RAI1: variants seen among roughly 807,000 people sequenced by gnomAD.
The protein encoded by RAI1 is retinoic acid-induced protein 1.
A neutral mutation model predicts 123.8 loss-of-function variants in RAI1; 9 were observed. The observed-to-expected ratio is 0.07, with a 90% CI of 0.04 to 0.13. RAI1 has a LOEUF of 0.13. Ranked by LOEUF, RAI1 falls within the 10% of genes least tolerant of loss-of-function variation. RAI1 has a pLI of 1.00. For synonymous variants in RAI1, 1,231 were observed against 1,127.3 expected, an observed-to-expected ratio of 1.09 and a Z score of -1.84; for missense variants, 2,256 against 2,545.8, an observed-to-expected ratio of 0.89 and a Z score of 2.45.
intron 2 of RAI1, chr17:17,759,071 G>A (rs1052084527): frequency 6.6e-6 from 1 of 152,262 alleles, no homozygotes; most frequent in Non-Finnish European, 1.5e-5. Flanking sequence ...TAATTGCGCA[G>A]ATAAGGATAC....
At chr17:17,756,638 A>G (rs556900709) in intron 2 of RAI1, among the ~76,000 whole-genome samples, 61 of 126,430 alleles carry the variant, frequency 4.8e-4, no homozygotes, top group African/African-American at 1.7e-3. Flanking sequence ...GAAAATCTCC[A>G]TAGAGTCTTC....
At chr17:17,798,774 C>G (rs1171678080) in intron 3 of RAI1, among the ~76,000 whole-genome samples, 1 of 152,158 alleles carries the variant, frequency 6.6e-6, no homozygotes, top group Admixed American at 6.5e-5. Flanking sequence ...CGCCACTCTC[C>G]CACTCACCTG....
Position 17,810,186 on chromosome 17 carries a change from G to C in RAI1, c.*205G>C. On this transcript the variant is annotated 3_prime_UTR_variant, in exon 6 of 6. Coordinates refer to ENST00000353383, the MANE Select transcript of RAI1 (RefSeq NM_030665.4). This position sits in a 1 kb window ranked among gnomAD's most constrained non-coding sequence, Gnocchi z 4.6. ...CCGGGTTGGGAGGAAAACCCGTTCC[G>C]GAGCCGCCTGCTCCCGGAACCGGAC... 1 of 709,854 alleles carries C rather than the reference G, an allele frequency of 1.4e-6. No individual in the cohort carries two copies. The highest frequency in any genetic ancestry group is 2.2e-6 in the Non-Finnish European group (1 of 447,790). The allele number at this position is 709,854 out of a possible 1,614,324, so 44.0% of individuals were successfully genotyped here.
chr17:17,767,188 C>G (rs12603397), intron 2 of RAI1, among the ~76,000 whole-genome samples: 2 of 152,250 alleles, frequency 1.3e-5, no homozygotes, highest in South Asian at 4.1e-4. Context: ...GGGAGGACCC[C>G]GGGGCCTGAG....
At chr17:17,778,836 C>T in intron 2 of RAI1, 1 of 456,760 alleles carries the variant, frequency 2.2e-6, no homozygotes, top group South Asian at 1.5e-5. Flanking sequence ...GAGGCTCTCT[C>T]CCCCAGATGC....
intron 3 of RAI1, chr17:17,802,081 C>G (rs1231240343): frequency 2.1e-6 from 1 of 470,980 alleles, no homozygotes; most frequent in East Asian, 6.9e-5. Flanking sequence ...ACTTCTCCCT[C>G]CCCGGCCTCA....
At chr17:17,700,487 A>G (rs1263707803) in intron 1 of RAI1, among the ~76,000 whole-genome samples, 1 of 151,970 alleles carries the variant, frequency 6.6e-6, no homozygotes, top group Non-Finnish European at 1.5e-5. Context: ...TTCTTATGCT[A>G]ATGAGCCCCA....
At chr17:17,783,529 C>A (rs949070500) in intron 2 of RAI1, among the ~76,000 whole-genome samples, 5 of 152,204 alleles carry the variant, frequency 3.3e-5, no homozygotes, top group Non-Finnish European at 4.4e-5. Context: ...GCTGAAACAT[C>A]TGTTGCAGAG....
Position 17,795,436 on chromosome 17 carries a change from G to A in RAI1, c.2488G>A (p.Glu830Lys), listed in dbSNP as rs754955930. 1.6e-5 allele frequency: 26 copies of A among 1,591,020 alleles called. No homozygotes were observed. The highest frequency in any genetic ancestry group is 1.1e-4 in the Admixed American group (6 of 56,280). The change falls in exon 3 of 6, where the codon GAG (glutamate) becomes AAG (lysine). Residue 830 changes from glutamate to lysine, a missense_variant. Glu to Lys is a moderately conservative substitution (Grantham distance 56). Around this residue, in one of 7 missense-constraint regions of RAI1, gnomAD observed 566 missense variants for 616.0 expected, o/e 0.92. Coordinates refer to ENST00000353383, the MANE Select transcript of RAI1 (RefSeq NM_030665.4). The surrounding 1 kb of genome is among the most constrained non-coding windows in gnomAD (Gnocchi z 5.9). ...GGCAGGTGGGCTGCTGCAGTGCCCC[G>A]AGGTGGCCAAGGCTGACCGGTGGCT... is the stretch of plus-strand genomic sequence containing the variant. ...EEAGGLLQCP[E>K]VAKADRWLED...
intron 1 of RAI1, among the ~76,000 whole-genome samples, chr17:17,709,650 C>T (rs752241965): frequency 3.9e-4 from 60 of 152,350 alleles, no homozygotes; most frequent in Non-Finnish European, 7.3e-4. Context: ...CCTGAGCTCC[C>T]TTCTCTGGGC....
At chr17:17,711,364 C>T (rs549611403) in intron 1 of RAI1, among the ~76,000 whole-genome samples, 1 of 152,330 alleles carries the variant, frequency 6.6e-6, no homozygotes, top group South Asian at 2.1e-4. Context: ...CATTTTGGCA[C>T]TGAGTGTGAC....
rs759908203 is a variant in RAI1, at chr17:17,793,939, C to T, written c.991C>T (p.Pro331Ser). 2 of 1,613,966 alleles carry T rather than the reference C, an allele frequency of 1.2e-6. No individual in the cohort carries two copies. Among genetic ancestry groups the T allele is most frequent in the Admixed American group, 3.3e-5 (2 of 60,030 alleles). The change falls in exon 3 of 6, where the codon CCA (proline) becomes TCA (serine). Residue 331 changes from proline (P) to serine (S), a missense_variant. Pro to Ser is a moderately conservative substitution (Grantham distance 74). This residue lies in a region of RAI1 where 357 missense variants were observed against 480.2 expected (regional missense o/e 0.74). Transcript: ENST00000353383. ...CCAGCCGGACGCAGCCGTCCGGACCCCAGAGCAGTACTACCAGACCTTCAG... is the reference window on the plus strand; with the variant it reads ...CCAGCCGGACGCAGCCGTCCGGACCTCAGAGCAGTACTACCAGACCTTCAG... Reference protein sequence around the residue: ...YCQPDAAVRTPEQYYQTFSPS... With the variant: ...YCQPDAAVRTSEQYYQTFSPS...
chr17:17,726,375 G>A (rs1206268832), intron 2 of RAI1, among the ~76,000 whole-genome samples: 1 of 152,106 alleles, frequency 6.6e-6, no homozygotes, highest in Non-Finnish European at 1.5e-5. Flanking sequence ...AGACCCTAGT[G>A]GCTGAGGGAG....
At chr17:17,734,985 A>G (rs970096911) in intron 2 of RAI1, among the ~76,000 whole-genome samples, 2 of 152,180 alleles carry the variant, frequency 1.3e-5, no homozygotes. Context: ...TTGCACCTCC[A>G]GAGAGCAGGA....
intron 1 of RAI1, among the ~76,000 whole-genome samples, chr17:17,702,930 G>A (rs568505633): frequency 1.1e-4 from 17 of 152,314 alleles, no homozygotes; most frequent in African/African-American, 3.1e-4. Flanking sequence ...GGAGCTGTGC[G>A]GCATCAGTAA....
chr17:17,734,712 G>A (rs942157905), intron 2 of RAI1, among the ~76,000 whole-genome samples: 3 of 152,368 alleles, frequency 2.0e-5, no homozygotes, highest in East Asian at 1.9e-4. Flanking sequence ...GGGTCAGAGC[G>A]TGTAGGTGTA....
intron 2 of RAI1, among the ~76,000 whole-genome samples, chr17:17,749,312 T>G (rs1737498344): frequency 6.6e-6 from 1 of 151,966 alleles, no homozygotes; most frequent in African/African-American, 2.4e-5. Context: ...GCAGCAACTC[T>G]CCCTCCCTGC....
chr17:17,709,067 C>T (rs1243169240), intron 1 of RAI1, among the ~76,000 whole-genome samples: 1 of 152,200 alleles, frequency 6.6e-6, no homozygotes, highest in Non-Finnish European at 1.5e-5. Context: ...AGGAGAGGAG[C>T]CCATTCCAGG....
At chr17:17,700,062 A>C (rs1178770343) in intron 1 of RAI1, among the ~76,000 whole-genome samples, 1 of 152,218 alleles carries the variant, frequency 6.6e-6, no homozygotes, top group Non-Finnish European at 1.5e-5. Flanking sequence ...AAATCCTTAA[A>C]ACTCACATAA....
Sources: allele counts gnomAD v4.1 joint callset (sites outside exome capture counted in the v4.1 genomes callset), GRCh38; gene constraint gnomAD v4.1.1; regional missense constraint gnomAD v4.1.1; non-coding constraint Gnocchi (gnomAD v3.1); transcripts MANE v1.5; gene names NCBI Gene and HGNC (gene_info 2026-07-23, HGNC 2026-07-21).